TMEM132D: variants seen among roughly 807,000 people sequenced by gnomAD.
The protein encoded by TMEM132D is transmembrane protein 132D.
A neutral mutation model predicts 62.3 loss-of-function variants in TMEM132D; 21 were observed. The observed-to-expected ratio is 0.34, with a 90% CI of 0.24 to 0.49. The LOEUF (loss-of-function observed/expected upper bound fraction) is 0.49. Among genes scored for constraint, TMEM132D ranks in the 20% least tolerant of loss-of-function variants. The pLI, the probability that TMEM132D is intolerant of heterozygous loss-of-function variation, is 0.99. For missense variants in TMEM132D, 1,346 were observed against 1,402.8 expected, an observed-to-expected ratio of 0.96 and a Z score of 0.65; for synonymous variants, 621 against 575.6, an observed-to-expected ratio of 1.08 and a Z score of -1.13.
intron 1 of TMEM132D, among the ~76,000 whole-genome samples, chr12:129,864,078 A>G (rs1873982588): frequency 6.6e-6 from 1 of 152,140 alleles, no homozygotes; most frequent in Admixed American, 6.6e-5. Flanking sequence ...GTGAGTTCCA[A>G]AGGTGGGGCA....
chr12:129,139,792 A>T (rs1434819627), intron 5 of TMEM132D, among the ~76,000 whole-genome samples: 1 of 152,116 alleles, frequency 6.6e-6, no homozygotes, highest in Non-Finnish European at 1.5e-5. Flanking sequence ...CTTGAGCTCA[A>T]TTAATTCTTC....
chr12:129,180,251 T>C (rs1878028289), intron 5 of TMEM132D, among the ~76,000 whole-genome samples: 1 of 150,868 alleles, frequency 6.6e-6, no homozygotes, highest in Non-Finnish European at 1.5e-5. Context: ...AGTCTGCACT[T>C]CATATTTGTT....
chr12:129,322,815 T>A (rs937834564), intron 4 of TMEM132D, among the ~76,000 whole-genome samples: 4 of 152,190 alleles, frequency 2.6e-5, no homozygotes, highest in Non-Finnish European at 2.9e-5. Flanking sequence ...AACTGGCTAG[T>A]CACACACATT....
chr12:129,438,742 G>A (rs944278684), intron 3 of TMEM132D, among the ~76,000 whole-genome samples: 1 of 152,130 alleles, frequency 6.6e-6, no homozygotes, highest in African/African-American at 2.4e-5. Context: ...TGCATATTAC[G>A]GCTTTTGTGC....
At chr12:129,483,822 C>T (rs1178252100) in intron 3 of TMEM132D, among the ~76,000 whole-genome samples, 1 of 152,222 alleles carries the variant, frequency 6.6e-6, no homozygotes, top group African/African-American at 2.4e-5. Flanking sequence ...GTTTCATTCA[C>T]AAAATCCCTT....
intron 7 of TMEM132D, among the ~76,000 whole-genome samples, chr12:129,081,181 T>A (rs1169611049): frequency 6.6e-6 from 1 of 152,226 alleles, no homozygotes; most frequent in African/African-American, 2.4e-5. Context: ...ACGCCTACCA[T>A]GGCTTGGGCA....
chr12:129,740,865 G>A lies in TMEM132D; in HGVS notation c.80-40167C>T, dbSNP rs190085911. Among the ~76,000 whole-genome samples the A allele has an allele frequency of 4.0e-4, 61 of 152,216 alleles. 1 individual carries two copies. The highest frequency in any genetic ancestry group is 4.7e-4 in the Non-Finnish European group (32 of 68,018). Reference sequence around the variant, plus strand: ...GTGCAAGAATGTATTTATACTTTCCGGCCACTTTCTGTTATCTCAAGGATT... The same window carrying A: ...GTGCAAGAATGTATTTATACTTTCCAGCCACTTTCTGTTATCTCAAGGATT... On this transcript the variant is annotated intron_variant, in intron 1 of 8. Coordinates refer to ENST00000422113, the MANE Select transcript of TMEM132D (RefSeq NM_133448.3).
chr12:129,609,817 T>G (rs1368124131), intron 2 of TMEM132D, among the ~76,000 whole-genome samples: 1 of 152,074 alleles, frequency 6.6e-6, no homozygotes, highest in African/African-American at 2.4e-5. Flanking sequence ...GATCTTCCAG[T>G]AAAAACCCAA....
At chr12:129,471,246 A>G (rs1874085812) in intron 3 of TMEM132D, among the ~76,000 whole-genome samples, 1 of 150,102 alleles carries the variant, frequency 6.7e-6, no homozygotes, top group African/African-American at 2.5e-5. Flanking sequence ...GGTTTATGGC[A>G]ACCCTGCATT....
intron 3 of TMEM132D, among the ~76,000 whole-genome samples, chr12:129,464,530 A>T (rs1873815485): frequency 6.6e-6 from 1 of 152,102 alleles, no homozygotes; most frequent in Admixed American, 6.6e-5. Flanking sequence ...GGTGTTTTAG[A>T]CATGAAGTCC....
chr12:129,245,778 G>A (rs374969441), intron 4 of TMEM132D, among the ~76,000 whole-genome samples: 1 of 152,176 alleles, frequency 6.6e-6, no homozygotes, highest in Non-Finnish European at 1.5e-5. Flanking sequence ...AAACCAGAAC[G>A]TGAAAACAGG....
intron 3 of TMEM132D, among the ~76,000 whole-genome samples, chr12:129,431,323 C>T (rs1056752298): frequency 2.6e-5 from 4 of 152,196 alleles, no homozygotes; most frequent in Admixed American, 2.6e-4. Context: ...ATCGTTCTCC[C>T]TCTCTGCTTC....
intron 4 of TMEM132D, among the ~76,000 whole-genome samples, chr12:129,218,710 A>G (rs1879275014): frequency 6.6e-6 from 1 of 152,214 alleles, no homozygotes; most frequent in South Asian, 2.1e-4. Context: ...TGTCATTGAG[A>G]TGCAAACTTT....
chr12:129,361,626 T>C (rs1046265586), intron 3 of TMEM132D, among the ~76,000 whole-genome samples: 1 of 152,200 alleles, frequency 6.6e-6, no homozygotes, highest in Non-Finnish European at 1.5e-5. Context: ...CCATGGCAAA[T>C]GCTATTGTTG....
At chr12:129,311,857 C>T (rs1380207923) in intron 4 of TMEM132D, among the ~76,000 whole-genome samples, 1 of 152,124 alleles carries the variant, frequency 6.6e-6, no homozygotes, top group African/African-American at 2.4e-5. Flanking sequence ...GCGTCTAGGG[C>T]TCACCAGCAA....
chr12:129,342,231 T>C (rs1049581211), intron 3 of TMEM132D, among the ~76,000 whole-genome samples: 2 of 152,132 alleles, frequency 1.3e-5, no homozygotes, highest in African/African-American at 2.4e-5. Flanking sequence ...AACAGAGATA[T>C]AGACCAATGG....
At chr12:129,196,747 A>C (rs183276459) in intron 5 of TMEM132D, among the ~76,000 whole-genome samples, 3 of 152,274 alleles carry the variant, frequency 2.0e-5, no homozygotes, top group Admixed American at 2.0e-4. Context: ...GCTTGTCCAG[A>C]TTTGACTATC....
chr12:129,631,043 C>A (rs1057322287), intron 2 of TMEM132D, among the ~76,000 whole-genome samples: 1 of 152,100 alleles, frequency 6.6e-6, no homozygotes, highest in African/African-American at 2.4e-5. Flanking sequence ...TCTCTTAATC[C>A]TGATGGTGAC....
intron 1 of TMEM132D, among the ~76,000 whole-genome samples, chr12:129,803,425 G>T (rs988304759): frequency 1.3e-5 from 2 of 152,040 alleles, no homozygotes; most frequent in African/African-American, 4.8e-5. Context: ...TGAACAACCT[G>T]CTCCTGAATG....
Sources: gnomAD v4.1 joint callset for allele counts (sites outside exome capture counted in the v4.1 genomes callset) on GRCh38, gnomAD v4.1.1 for gene constraint, MANE v1.5 for transcripts, NCBI Gene and HGNC (gene_info 2026-07-23, HGNC 2026-07-21) for gene names.